COL22A1: variants seen among roughly 807,000 people sequenced by gnomAD.
COL22A1 encodes collagen type XXII alpha 1 chain, also known as collagen alpha-1(XXII) chain.
A neutral mutation model predicts 248.9 loss-of-function variants in COL22A1; 221 were observed. The ratio of observed to expected loss-of-function variants is 0.89; its 90% confidence interval spans 0.80 to 0.99. The LOEUF (loss-of-function observed/expected upper bound fraction) is 0.99, where lower values mean the gene tolerates loss of function less well. Among genes scored for constraint, COL22A1 ranks in the 50% least tolerant of loss-of-function variants. COL22A1 has a pLI of 0.00. For missense variants in COL22A1, 2,240 were observed against 2,179.0 expected, an observed-to-expected ratio of 1.03 and a Z score of -0.56; for synonymous variants, 891 against 793.4, an observed-to-expected ratio of 1.12 and a Z score of -2.07.
chr8:138,833,269 G>A (rs558399408), intron 4 of COL22A1, 119 bp from the exon 5 acceptor site: 22 of 693,214 alleles, frequency 3.2e-5, no homozygotes, highest in African/African-American at 5.3e-5. Flanking sequence ...AGAACAGATC[G>A]GGAGGGAGTT....
chr8:138,742,148 ATGATGGTGGAGT>A (rs904777058), intron 22 of COL22A1, among the ~76,000 whole-genome samples: 3 of 147,138 alleles, frequency 2.0e-5, no homozygotes, highest in African/African-American at 7.6e-5. Flanking sequence ...AGTGATTGTG[ATGATGGTGGAGT>A]TGATGGTGAT....
intron 12 of COL22A1, among the ~76,000 whole-genome samples, chr8:138,789,292 G>T (rs1433868136): frequency 6.6e-6 from 1 of 152,152 alleles, no homozygotes; most frequent in African/African-American, 2.4e-5. Context: ...TAACCTACAA[G>T]GCTATTTGAG....
chr8:138,701,546 C>T (rs529542687), intron 31 of COL22A1, among the ~76,000 whole-genome samples: 17 of 152,314 alleles, frequency 1.1e-4, no homozygotes, highest in African/African-American at 3.4e-4. Context: ...TATATTTCCA[C>T]ACAATTATAA....
chr8:138,704,769 T>C (rs4463471), intron 30 of COL22A1, among the ~76,000 whole-genome samples: 42,657 of 152,154 alleles, frequency 0.28, 6,208 homozygotes, highest in African/African-American at 0.35. Flanking sequence ...AAAGCTGGAT[T>C]GAGAATGACT....
chr8:138,902,393 C>T (rs1169895297), intron 1 of COL22A1, among the ~76,000 whole-genome samples: 4 of 152,234 alleles, frequency 2.6e-5, no homozygotes, highest in Admixed American at 2.0e-4. Context: ...TGTAGGCCTG[C>T]ACTTTTATAC....
chr8:138,878,396 G>A, intron 2 of COL22A1, 80 bp from the exon 3 acceptor site: 1 of 1,191,154 alleles, frequency 8.4e-7, no homozygotes, highest in South Asian at 1.7e-5. Context: ...GGTCACTGGG[G>A]TCACACACAC....
At chr8:138,727,917 A>C (rs1830443165) in intron 23 of COL22A1, among the ~76,000 whole-genome samples, 1 of 151,854 alleles carries the variant, frequency 6.6e-6, no homozygotes, top group South Asian at 2.1e-4. Flanking sequence ...GAGCCTTACT[A>C]CCTCCACAGA....
intron 16 of COL22A1, among the ~76,000 whole-genome samples, chr8:138,771,180 C>T (rs548778968): frequency 5.3e-4 from 81 of 152,146 alleles, no homozygotes; most frequent in Non-Finnish European, 8.7e-4. Flanking sequence ...CTGATGGGGG[C>T]GTGGCTGAGG....
intron 2 of COL22A1, among the ~76,000 whole-genome samples, chr8:138,881,966 C>T (rs1411127800): frequency 1.3e-5 from 2 of 152,140 alleles, no homozygotes; most frequent in African/African-American, 2.4e-5. Flanking sequence ...TGCCCCGGGC[C>T]TTCTCATCTC....
At chr8:138,600,924 A>G (rs1337789543) in intron 60 of COL22A1, among the ~76,000 whole-genome samples, 1 of 152,132 alleles carries the variant, frequency 6.6e-6, no homozygotes, top group Non-Finnish European at 1.5e-5. Flanking sequence ...ATATCTCACA[A>G]TCACTTTGTG....
chr8:138,842,945 A>C (rs1820994300), intron 4 of COL22A1, among the ~76,000 whole-genome samples: 1 of 152,186 alleles, frequency 6.6e-6, no homozygotes, highest in Non-Finnish European at 1.5e-5. Flanking sequence ...ATTCAGGGAA[A>C]GAAAGCAGCT....
At chr8:138,660,724 T>A (rs1408805335) in intron 43 of COL22A1, among the ~76,000 whole-genome samples, 3 of 151,994 alleles carry the variant, frequency 2.0e-5, no homozygotes, top group African/African-American at 7.3e-5. Context: ...ACAACTCCTG[T>A]CCTAAACACA....
chr8:138,673,992 T>C (rs1341785526), intron 41 of COL22A1, among the ~76,000 whole-genome samples: 2 of 152,156 alleles, frequency 1.3e-5, no homozygotes, highest in African/African-American at 2.4e-5. Context: ...TCAGGGGCTG[T>C]TGTACAGGTG....
chr8:138,694,290 G>A lies in COL22A1; in HGVS notation c.2700+218C>T, dbSNP rs1227829788. The stretch of plus-strand genomic sequence containing the variant: ...ACACCAACCCTTTAGTGACAGAGTA[G>A]GGACATCCAGGGGTACAGAGGTGGG... On this transcript the variant is annotated intron_variant, in intron 34 of 64. Transcript: ENST00000303045. Among the ~76,000 whole-genome samples, 3 of 152,206 alleles carry A rather than the reference G, an allele frequency of 2.0e-5. No individual in the cohort carries two copies. The East Asian group carries it at 5.8e-4, about 29-fold the overall frequency.
At chr8:138,840,148 T>A (rs933537888) in intron 4 of COL22A1, among the ~76,000 whole-genome samples, 6 of 152,182 alleles carry the variant, frequency 3.9e-5, no homozygotes, top group African/African-American at 1.4e-4. Context: ...ACAGAAGCTG[T>A]CCCTATTACC....
chr8:138,652,340 T>C (rs1238331740), intron 45 of COL22A1, among the ~76,000 whole-genome samples: 2 of 152,326 alleles, frequency 1.3e-5, no homozygotes, highest in South Asian at 2.1e-4. Flanking sequence ...AATGAGACAA[T>C]TAATGGAAAA....
intron 49 of COL22A1, among the ~76,000 whole-genome samples, chr8:138,632,346 T>C (rs907404828): frequency 6.6e-6 from 1 of 152,168 alleles, no homozygotes; most frequent in Non-Finnish European, 1.5e-5. Flanking sequence ...GCACCTATTT[T>C]ACATGGGTTG....
intron 3 of COL22A1, among the ~76,000 whole-genome samples, chr8:138,873,408 G>C (rs1449761787): frequency 6.6e-6 from 1 of 152,078 alleles, no homozygotes; most frequent in Non-Finnish European, 1.5e-5. Flanking sequence ...CATCACAACA[G>C]CAAGCACAGA....
chr8:138,656,036 G>T, intron 44 of COL22A1, 92 bp from the exon 45 acceptor site: 1 of 1,027,112 alleles, frequency 9.7e-7, no homozygotes, highest in Non-Finnish European at 1.5e-6. Flanking sequence ...TTTAAAGTGT[G>T]ACACAATACG....
Sources: allele counts gnomAD v4.1 joint callset (sites outside exome capture counted in the v4.1 genomes callset), GRCh38; gene constraint gnomAD v4.1.1; transcripts MANE v1.5; gene names NCBI Gene and HGNC (gene_info 2026-07-23, HGNC 2026-07-21).